PLCB1: variants seen among roughly 807,000 people sequenced by gnomAD.
The protein encoded by PLCB1 is 1-phosphatidylinositol 4,5-bisphosphate phosphodiesterase beta-1.
Under a neutral mutation model 161.8 loss-of-function variants are expected in PLCB1, and 46 were observed. The observed-to-expected ratio is 0.28, with a 90% CI of 0.22 to 0.36. PLCB1 has a LOEUF of 0.36. Among genes scored for constraint, PLCB1 ranks in the 10% least tolerant of loss-of-function variants. PLCB1 has a pLI of 1.00. For missense variants in PLCB1, 1,016 were observed against 1,472.5 expected (o/e 0.69, Z 5.07); for synonymous variants, 517 against 503.7 (o/e 1.03, Z -0.35).
At chr20:8,535,291 T>TTGTAATTA (rs1353644794) in intron 3 of PLCB1, among the ~76,000 whole-genome samples, 2 of 151,458 alleles carry the variant, frequency 1.3e-5, no homozygotes, top group African/African-American at 4.8e-5. Flanking sequence ...TACTATTTTG[T>TTGTAATTA]TGTAATTAGA....
chr20:8,821,559 T>C (rs1429610228), intron 31 of PLCB1, among the ~76,000 whole-genome samples: 1 of 108,654 alleles, frequency 9.2e-6, no homozygotes, highest in African/African-American at 3.2e-5. Context: ...ATATATATAT[T>C]TAAATGACAC....
At chr20:8,460,483 G>A (rs556186173) in intron 3 of PLCB1, among the ~76,000 whole-genome samples, 9 of 152,272 alleles carry the variant, frequency 5.9e-5, no homozygotes, top group South Asian at 2.1e-4. Context: ...CAAAACACAA[G>A]GTGAATGCAT....
intron 3 of PLCB1, among the ~76,000 whole-genome samples, chr20:8,594,555 T>C (rs1987262038): frequency 6.6e-6 from 1 of 151,522 alleles, no homozygotes; most frequent in Middle Eastern, 3.2e-3. Context: ...ACATTTTGAG[T>C]AGCCACTTAG....
chr20:8,732,374 A>G (rs1980299743), intron 18 of PLCB1, among the ~76,000 whole-genome samples: 1 of 151,940 alleles, frequency 6.6e-6, no homozygotes, highest in Non-Finnish European at 1.5e-5. Context: ...TGAGGACATC[A>G]TTTGTCCCAG....
intron 4 of PLCB1, among the ~76,000 whole-genome samples, chr20:8,635,337 T>C (rs6140659): frequency 6.6e-6 from 1 of 152,098 alleles, no homozygotes; most frequent in Non-Finnish European, 1.5e-5. Flanking sequence ...GCTTTTGAAC[T>C]CTTGAAAATA....
At chr20:8,146,315 T>C (rs1006637657) in intron 1 of PLCB1, among the ~76,000 whole-genome samples, 1 of 152,194 alleles carries the variant, frequency 6.6e-6, no homozygotes, top group African/African-American at 2.4e-5. Flanking sequence ...CCATACCAGC[T>C]TAACTGGCTT....
intron 3 of PLCB1, among the ~76,000 whole-genome samples, chr20:8,515,447 C>T (rs913186725): frequency 6.6e-6 from 1 of 152,152 alleles, no homozygotes. Context: ...ATGCTGTGAG[C>T]GTGTGTTAGT....
chr20:8,730,482 T>A (rs901917317), intron 18 of PLCB1, among the ~76,000 whole-genome samples: 1 of 151,848 alleles, frequency 6.6e-6, no homozygotes. Flanking sequence ...TAACTCACTG[T>A]TTTTACTGTA....
chr20:8,217,501 G>A (rs2123156645), intron 2 of PLCB1, among the ~76,000 whole-genome samples: 1 of 152,230 alleles, frequency 6.6e-6, no homozygotes, highest in Middle Eastern at 3.4e-3. Context: ...AGAGAAAGGT[G>A]TAGCTGTTCA....
intron 3 of PLCB1, among the ~76,000 whole-genome samples, chr20:8,587,622 A>G (rs1283182867): frequency 1.3e-5 from 2 of 152,142 alleles, no homozygotes; most frequent in Non-Finnish European, 2.9e-5. Flanking sequence ...GCAAGATTGC[A>G]TGGGGAGGAA....
At chr20:8,199,382 A>G (rs1377573968) in intron 2 of PLCB1, among the ~76,000 whole-genome samples, 2 of 152,188 alleles carry the variant, frequency 1.3e-5, no homozygotes, top group Non-Finnish European at 2.9e-5. Flanking sequence ...TATTGCATAT[A>G]GTTAAATTGT....
intron 3 of PLCB1, among the ~76,000 whole-genome samples, chr20:8,396,851 C>T (rs1987784298): frequency 6.6e-6 from 1 of 151,988 alleles, no homozygotes; most frequent in African/African-American, 2.4e-5. Flanking sequence ...TAATATTTAT[C>T]AGTTGTATAG....
At chr20:8,356,107 A>T (rs933073217) in intron 2 of PLCB1, among the ~76,000 whole-genome samples, 1 of 152,128 alleles carries the variant, frequency 6.6e-6, no homozygotes, top group African/African-American at 2.4e-5. Flanking sequence ...TTAGTTATAT[A>T]TTTTGTTCAA....
chr20:8,824,521 T>G (rs2146268704), intron 31 of PLCB1, among the ~76,000 whole-genome samples: 1 of 152,170 alleles, frequency 6.6e-6, no homozygotes, highest in African/African-American at 2.4e-5. Context: ...AGGAAGTGGA[T>G]GAGAAAGAGT....
chr20:8,404,420 C>T (rs1166340166), intron 3 of PLCB1, among the ~76,000 whole-genome samples: 3 of 152,168 alleles, frequency 2.0e-5, no homozygotes, highest in Non-Finnish European at 1.5e-5. Context: ...CTATGTAAAG[C>T]ACATCTCCTG....
chr20:8,150,437 A>G (rs1189771116), intron 2 of PLCB1, 66 bp downstream of exon 2: 4 of 676,974 alleles, frequency 5.9e-6, no homozygotes, highest in East Asian at 5.4e-5. Context: ...GTATTTATGT[A>G]TCTTATCTAT....
At chr20:8,515,735 C>A (rs1984079706) in intron 3 of PLCB1, among the ~76,000 whole-genome samples, 1 of 152,078 alleles carries the variant, frequency 6.6e-6, no homozygotes, top group Non-Finnish European at 1.5e-5. Flanking sequence ...TAACAAACAC[C>A]CCAAAGCATA....
chr20:8,283,551 A>C (rs1600285892), intron 2 of PLCB1, among the ~76,000 whole-genome samples: 1 of 134,016 alleles, frequency 7.5e-6, no homozygotes, highest in African/African-American at 2.9e-5. Flanking sequence ...ACTTATAATA[A>C]ATAAATAAAA....
rs926600305 is a variant in PLCB1 at position 8,541,988 on chromosome 20, G to A, written c.247-86306G>A. Among the ~76,000 whole-genome samples, 52 of 152,184 alleles carry A rather than the reference G, an allele frequency of 3.4e-4. 2 individuals are homozygous for A. The highest frequency in any genetic ancestry group is 3.3e-4 in the Admixed American group (5 of 15,284). Reference sequence around the variant, plus strand: ...GCTGTTAGTAATTTTCCTCCCAGTCGGAGGCAGAATTTTGAATAGACTGAA... The same window carrying A: ...GCTGTTAGTAATTTTCCTCCCAGTCAGAGGCAGAATTTTGAATAGACTGAA... On this transcript the variant is annotated intron_variant, in intron 3 of 31. Coordinates refer to ENST00000338037, the MANE Select transcript of PLCB1 (RefSeq NM_015192.4).
Sources: gnomAD v4.1 joint callset for allele counts (sites outside exome capture counted in the v4.1 genomes callset) on GRCh38, gnomAD v4.1.1 for gene constraint, MANE v1.5 for transcripts, NCBI Gene and HGNC (gene_info 2026-07-23, HGNC 2026-07-21) for gene names.